The following SCFD2 variants were observed in gnomAD, a reference collection of about 807,000 sequenced individuals.
SCFD2 encodes sec1 family domain-containing protein 2.
Under a neutral mutation model 58.9 loss-of-function variants are expected in SCFD2, and 54 were observed. The observed-to-expected ratio is 0.92, with a 90% CI of 0.74 to 1.15. SCFD2 has a LOEUF of 1.15. Among genes scored for constraint, SCFD2 ranks in the 50% most tolerant of loss-of-function variants. The pLI, the probability that SCFD2 is intolerant of heterozygous loss-of-function variation, is 0.00. For missense variants in SCFD2, 805 were observed against 836.6 expected (o/e 0.96, Z 0.47); for synonymous variants, 321 against 335.9 (o/e 0.96, Z 0.49).
At chr4:53,255,715 A>G (rs1239404628) in intron 4 of SCFD2, among the ~76,000 whole-genome samples, 5 of 152,120 alleles carry the variant, frequency 3.3e-5, no homozygotes, top group Admixed American at 2.6e-4. Context: ...CCCGTTCTCA[A>G]TGAGCTGTTG....
At chr4:53,333,304 C>A (rs1465317641) in intron 2 of SCFD2, among the ~76,000 whole-genome samples, 2 of 148,780 alleles carry the variant, frequency 1.3e-5, no homozygotes, top group Non-Finnish European at 3.0e-5. Context: ...CAATCCTAAG[C>A]CAAAAGAACA....
chr4:52,980,632 G>A (rs1721355272), intron 5 of SCFD2, among the ~76,000 whole-genome samples: 1 of 152,078 alleles, frequency 6.6e-6, no homozygotes, highest in Non-Finnish European at 1.5e-5. Flanking sequence ...TTTGTCTCTG[G>A]CCACAGACAC....
rs1039107121 is a variant in SCFD2, at chr4:52,913,942, A to G, written c.1708-6351T>C. ...GTCTAACTGTTTGCTACAGAAGAAAAGGCAATGGAGTTTTGGGAATACACA... is the reference window on the plus strand; with the variant it reads ...GTCTAACTGTTTGCTACAGAAGAAAGGGCAATGGAGTTTTGGGAATACACA... On this transcript the variant is annotated intron_variant, in intron 6 of 8. Coordinates refer to ENST00000401642, the MANE Select transcript of SCFD2 (RefSeq NM_152540.4). 2.6e-5 allele frequency among the ~76,000 whole-genome samples: 4 copies of G among 152,330 alleles called. No individual in the cohort carries two copies. In the South Asian group the frequency reaches 8.3e-4, roughly 32 times the overall value.
intron 5 of SCFD2, among the ~76,000 whole-genome samples, chr4:52,993,006 C>A (rs6850281): frequency 6.6e-6 from 1 of 151,502 alleles, no homozygotes; most frequent in Non-Finnish European, 1.5e-5. Context: ...TGTGTCTGTG[C>A]AGAGGGAAGT....
chr4:53,068,032 T>C (rs1232792700), intron 5 of SCFD2, among the ~76,000 whole-genome samples: 4 of 152,122 alleles, frequency 2.6e-5, no homozygotes, highest in Non-Finnish European at 4.4e-5. Context: ...CAGAATCATC[T>C]TGCTTATAAG....
At chr4:52,963,287 T>G (rs988757746) in intron 5 of SCFD2, among the ~76,000 whole-genome samples, 1 of 152,200 alleles carries the variant, frequency 6.6e-6, no homozygotes, top group Non-Finnish European at 1.5e-5. Context: ...AAAATCTTTC[T>G]CTCTGTTGTT....
chr4:52,966,721 A>G (rs1193449630), intron 5 of SCFD2, among the ~76,000 whole-genome samples: 1 of 152,198 alleles, frequency 6.6e-6, no homozygotes, highest in Non-Finnish European at 1.5e-5. Context: ...CTTATTATCG[A>G]CATCTTACAT....
At chr4:53,209,060 T>C (rs1728523186) in intron 4 of SCFD2, among the ~76,000 whole-genome samples, 1 of 152,132 alleles carries the variant, frequency 6.6e-6, no homozygotes, top group Non-Finnish European at 1.5e-5. Context: ...TTACCAGGAC[T>C]TGGGACATTC....
chr4:53,055,373 A>C (rs1008270473), intron 5 of SCFD2, among the ~76,000 whole-genome samples: 1 of 152,128 alleles, frequency 6.6e-6, no homozygotes, highest in African/African-American at 2.4e-5. Flanking sequence ...ACAGGCAGAA[A>C]AGTGGCATGG....
chr4:52,874,087 C>T (rs759731015), intron 8 of SCFD2, 26 bp from the exon 9 acceptor site: 2 of 1,510,692 alleles, frequency 1.3e-6, no homozygotes, highest in Non-Finnish European at 1.8e-6. Context: ...GGCAAACACA[C>T]CGCAGGGAAT....
At chr4:53,280,088 A>G (rs187064999) in intron 3 of SCFD2, among the ~76,000 whole-genome samples, 11 of 152,364 alleles carry the variant, frequency 7.2e-5, no homozygotes, top group African/African-American at 2.4e-4. Context: ...TCTGGCTGGT[A>G]AAATATACTT....
intron 5 of SCFD2, among the ~76,000 whole-genome samples, chr4:53,059,644 G>C (rs1232699049): frequency 2.6e-5 from 4 of 151,504 alleles, no homozygotes; most frequent in Admixed American, 2.0e-4. Flanking sequence ...TGGCTAGGAA[G>C]AGGTAATCTG....
chr4:53,188,186 A>G (rs1727790240), intron 4 of SCFD2, among the ~76,000 whole-genome samples: 1 of 152,218 alleles, frequency 6.6e-6, no homozygotes, highest in Admixed American at 6.6e-5. Context: ...CTTACTCAGC[A>G]GCAAAAAGAA....
At chr4:53,330,168 G>T (rs371129133) in intron 2 of SCFD2, among the ~76,000 whole-genome samples, 15 of 152,266 alleles carry the variant, frequency 9.9e-5, no homozygotes, top group East Asian at 1.9e-4. Context: ...TGGAAAACAC[G>T]CTGCAGGATA....
At position 52,985,317 on chromosome 4, in the gene SCFD2, G is replaced by A. The variant is rs983554799; in HGVS notation, c.1562-64447C>T. 4.6e-5 allele frequency among the ~76,000 whole-genome samples: 7 copies of A among 152,206 alleles called. No individual in the cohort carries two copies. In the South Asian group the frequency reaches 1.5e-3, roughly 32 times the overall value. On this transcript the variant is annotated intron_variant, in intron 5 of 8. Coordinates refer to ENST00000401642, the MANE Select transcript of SCFD2 (RefSeq NM_152540.4). ...CTGAGTACAGTTTTAGGACCTTTCT[G>A]CTGCAGTGAAGTCATTTTGGTTATT...
At chr4:53,089,608 A>G (rs1215136929) in intron 5 of SCFD2, among the ~76,000 whole-genome samples, 1 of 152,222 alleles carries the variant, frequency 6.6e-6, no homozygotes, top group Non-Finnish European at 1.5e-5. Context: ...CAAATTAAAT[A>G]TTTAATAGTC....
intron 5 of SCFD2, among the ~76,000 whole-genome samples, chr4:53,064,654 A>G (rs139682469): frequency 6.6e-6 from 1 of 152,236 alleles, no homozygotes; most frequent in African/African-American, 2.4e-5. Flanking sequence ...TTATTGAATA[A>G]GCTCACTTTC....
intron 2 of SCFD2, among the ~76,000 whole-genome samples, chr4:53,348,378 T>C (rs1472968400): frequency 6.6e-6 from 1 of 152,246 alleles, no homozygotes; most frequent in East Asian, 1.9e-4. Context: ...TACTCTCATT[T>C]CATTGAGAAG....
At chr4:53,310,217 A>C (rs1732649567) in intron 3 of SCFD2, among the ~76,000 whole-genome samples, 1 of 152,220 alleles carries the variant, frequency 6.6e-6, no homozygotes, top group Admixed American at 6.5e-5. Context: ...AATAATAAAG[A>C]AACAGAGGCA....
Sources: gnomAD v4.1 joint callset for allele counts (sites outside exome capture counted in the v4.1 genomes callset) on GRCh38, gnomAD v4.1.1 for gene constraint, MANE v1.5 for transcripts, NCBI Gene and HGNC (gene_info 2026-07-23, HGNC 2026-07-21) for gene names.